STK3: variants seen among roughly 807,000 people sequenced by gnomAD.
STK3 encodes the protein serine/threonine kinase 3, also known as serine/threonine-protein kinase 3.
In STK3, 41 loss-of-function variants were observed where a neutral mutation model predicts 58.0. The ratio of observed to expected loss-of-function variants is 0.71; its 90% CI spans 0.55 to 0.92. The LOEUF is 0.92. STK3 is among the 40% of genes least tolerant of loss of function. The probability of loss-of-function intolerance (pLI) is 0.00; values close to 1 mark genes in which losing one functional copy is unlikely to be tolerated. For synonymous variants in STK3, 170 were observed against 191.0 expected (o/e 0.89, Z 0.91); for missense variants, 479 against 602.7 (o/e 0.79, Z 2.15).
At chr8:98,853,170 G>A (rs879352133) in intron 3 of STK3, among the ~76,000 whole-genome samples, 1 of 152,064 alleles carries the variant, frequency 6.6e-6, no homozygotes, top group African/African-American at 2.4e-5. Flanking sequence ...TATAGGGTAT[G>A]ACTTGAGCAG....
intron 3 of STK3, among the ~76,000 whole-genome samples, chr8:98,848,847 T>C (rs1208276391): frequency 6.6e-6 from 1 of 152,324 alleles, no homozygotes; most frequent in East Asian, 1.9e-4. Flanking sequence ...TGTTTGCATT[T>C]CTTGTGGAAT....
At chr8:98,571,150 C>T (rs1342857341) in intron 8 of STK3, among the ~76,000 whole-genome samples, 1 of 151,998 alleles carries the variant, frequency 6.6e-6, no homozygotes, top group Non-Finnish European at 1.5e-5. Flanking sequence ...GCCAACATGG[C>T]TAAACCTTGT....
intron 7 of STK3, among the ~76,000 whole-genome samples, chr8:98,583,323 A>C (rs1814102810): frequency 6.6e-6 from 1 of 152,204 alleles, no homozygotes; most frequent in South Asian, 2.1e-4. Flanking sequence ...CTAAATATTC[A>C]AATTCTCGGC....
intron 9 of STK3, among the ~76,000 whole-genome samples, chr8:98,540,457 C>T (rs1197258539): frequency 6.6e-6 from 1 of 152,102 alleles, no homozygotes; most frequent in Non-Finnish European, 1.5e-5. Context: ...CTGTGGTGAT[C>T]TTTTAGGATC....
At chr8:98,791,675 C>G (rs1447820240) in intron 1 of STK3, among the ~76,000 whole-genome samples, 1 of 152,108 alleles carries the variant, frequency 6.6e-6, no homozygotes, top group Non-Finnish European at 1.5e-5. Flanking sequence ...ATACTTACAG[C>G]CAACTGATAT....
At chr8:98,833,158 A>T (rs974801687) in intron 3 of STK3, among the ~76,000 whole-genome samples, 1 of 152,182 alleles carries the variant, frequency 6.6e-6, no homozygotes, top group Non-Finnish European at 1.5e-5. Flanking sequence ...CCATAAATCA[A>T]TATACATAAA....
intron 10 of STK3, among the ~76,000 whole-genome samples, chr8:98,522,797 C>G (rs956251278): frequency 6.6e-6 from 1 of 152,124 alleles, no homozygotes; most frequent in African/African-American, 2.4e-5. Flanking sequence ...AATCATATAG[C>G]ATTTGTCCTT....
intron 9 of STK3, among the ~76,000 whole-genome samples, chr8:98,540,866 C>G (rs924011012): frequency 1.3e-5 from 2 of 152,148 alleles, no homozygotes; most frequent in African/African-American, 4.8e-5. Flanking sequence ...CTTACAAGCC[C>G]TGTCATAGAG....
In STK3 at chr8:98,528,286, CTCT is replaced by C. The variant is rs545963080; in HGVS notation, c.1142-1372_1142-1370del. 2.6e-3 allele frequency among the ~76,000 whole-genome samples: 393 copies of C among 152,120 alleles called. 2 individuals carry two copies. The highest frequency in any genetic ancestry group is 9.2e-3 in the African/African-American group (382 of 41,502). On this transcript the variant is annotated intron_variant, in intron 9 of 10. Transcript: ENST00000419617. ...CATTCTGCTCAGAATCTTTCAATGG[CTCT>C]TCATTTTTTATACTGAATGACTAAA...
intron 3 of STK3, among the ~76,000 whole-genome samples, chr8:98,754,005 A>G (rs555265616): frequency 3.3e-5 from 5 of 152,180 alleles, no homozygotes; most frequent in Non-Finnish European, 7.3e-5. Flanking sequence ...ACAGCTCTCC[A>G]TTACCCAAAG....
intron 1 of STK3, among the ~76,000 whole-genome samples, chr8:98,788,275 T>A (rs1350192303): frequency 1.3e-5 from 2 of 151,810 alleles, no homozygotes; most frequent in Non-Finnish European, 2.9e-5. Flanking sequence ...CTGTTTCTAC[T>A]AAAAATACAA....
At chr8:98,886,537 C>T (rs1471720246) in intron 1 of STK3, among the ~76,000 whole-genome samples, 3 of 152,180 alleles carry the variant, frequency 2.0e-5, no homozygotes, top group Non-Finnish European at 4.4e-5. Flanking sequence ...GAAATGAGGG[C>T]ATACCCATGC....
At chr8:98,721,329 A>G (rs933929375) in intron 4 of STK3, among the ~76,000 whole-genome samples, 2 of 152,174 alleles carry the variant, frequency 1.3e-5, no homozygotes, top group Admixed American at 6.5e-5. Context: ...CTTAAAATAC[A>G]TAAGCTTAGA....
At chr8:98,772,173 C>T (rs916796174) in intron 2 of STK3, among the ~76,000 whole-genome samples, 3 of 151,986 alleles carry the variant, frequency 2.0e-5, no homozygotes, top group African/African-American at 7.3e-5. Flanking sequence ...ATTATGTTTC[C>T]TAATTTCTAG....
chr8:98,595,018 C>T (rs896648470), intron 7 of STK3: 12 of 152,200 alleles, frequency 7.9e-5, no homozygotes, highest in African/African-American at 2.4e-4. Flanking sequence ...CATTTAGGAT[C>T]TTTCCAATCT....
intron 1 of STK3, among the ~76,000 whole-genome samples, chr8:98,780,762 T>C (rs1253099289): frequency 6.6e-6 from 1 of 152,098 alleles, no homozygotes; most frequent in African/African-American, 2.4e-5. Flanking sequence ...CAGGAGAGAT[T>C]TGAACTAGAA....
intron 3 of STK3, among the ~76,000 whole-genome samples, chr8:98,858,323 T>TATATATATATATATATATAGAG (rs1189807446): frequency 6.1e-5 from 1 of 16,276 alleles, no homozygotes; most frequent in African/African-American, 2.3e-4. Flanking sequence ...TATATATATA[T>TATATATATATATATATATAGAG]AGAGAGAGAG....
At chr8:98,876,622 C>T (rs1397805869) in intron 3 of STK3, among the ~76,000 whole-genome samples, 1 of 152,214 alleles carries the variant, frequency 6.6e-6, no homozygotes, top group East Asian at 1.9e-4. Flanking sequence ...AAGCTTTATT[C>T]TCCTGCCCAG....
intron 1 of STK3, among the ~76,000 whole-genome samples, chr8:98,384,214 G>A (rs1014469931): frequency 6.6e-6 from 1 of 152,150 alleles, no homozygotes; most frequent in South Asian, 2.1e-4. Flanking sequence ...CTGGTCACAG[G>A]CCAATCCTTC....
Sources: gnomAD v4.1 joint callset for allele counts (sites outside exome capture counted in the v4.1 genomes callset) on GRCh38, gnomAD v4.1.1 for gene constraint, MANE v1.5 for transcripts, NCBI Gene and HGNC (gene_info 2026-07-23, HGNC 2026-07-21) for gene names.